The following TMEM164 variants were observed in gnomAD, a reference collection of about 807,000 sequenced individuals.
TMEM164 encodes the protein transmembrane protein 164.
Under a neutral mutation model 18.8 loss-of-function variants are expected in TMEM164, and 4 were observed. The observed-to-expected ratio is 0.21, with a 90% CI of 0.10 to 0.49. The LOEUF (loss-of-function observed/expected upper bound fraction) is 0.49, where lower values mean the gene tolerates loss of function less well. TMEM164 is among the 20% of genes least tolerant of loss of function. The pLI, the probability that TMEM164 is intolerant of heterozygous loss-of-function variation, is 0.98. For synonymous variants in TMEM164, 86 were observed against 101.7 expected (o/e 0.85, Z 0.93); for missense variants, 108 against 239.9 (o/e 0.45, Z 3.63).
At chrX:110,119,998 C>T (rs2066427057) in intron 4 of TMEM164, among the ~76,000 whole-genome samples, 1 of 112,294 alleles carries the variant, frequency 8.9e-6, no homozygotes, top group Non-Finnish European at 1.9e-5. Context: ...TTGTTTTTCA[C>T]ATTTGTTTCA....
At chrX:110,150,484 TTTAAC>T (rs2066924068) in intron 5 of TMEM164, among the ~76,000 whole-genome samples, 1 of 112,569 alleles carries the variant, frequency 8.9e-6, no homozygotes, top group Admixed American at 9.4e-5. Context: ...TCTTCTCTGA[TTTAAC>T]TTATTTGCAC....
chrX:110,097,312 C>A (rs918227444), intron 3 of TMEM164, among the ~76,000 whole-genome samples: 3 of 112,115 alleles, frequency 2.7e-5, no homozygotes, highest in Admixed American at 9.5e-5. Flanking sequence ...GAAAGTAAAT[C>A]TTAGTGTCTG....
intron 6 of TMEM164, among the ~76,000 whole-genome samples, chrX:110,171,971 T>C (rs2067237031): frequency 8.9e-6 from 1 of 112,343 alleles, no homozygotes; most frequent in African/African-American, 3.2e-5. Flanking sequence ...GGAAATCCTG[T>C]GGCATTCTGG....
At chrX:110,004,424 C>T (rs777412315) in intron 2 of TMEM164, among the ~76,000 whole-genome samples, 1 of 111,243 alleles carries the variant, frequency 9.0e-6, no homozygotes, top group South Asian at 3.8e-4. Context: ...CTGCCCCTCC[C>T]TTCCAGCCCA....
At chrX:110,017,512 CTCCTTCCTTCCT>C (rs767793658) in intron 2 of TMEM164, among the ~76,000 whole-genome samples, 92 of 20,148 alleles carry the variant, frequency 4.6e-3, no homozygotes, top group African/African-American at 0.012. Context: ...CCCTCCCTCC[CTCCTTCCTTCCT>C]TCCTTCCTTC....
rs903452619 is a variant in TMEM164 at position 110,176,496 on chromosome X, T to A, written c.*3045T>A. 1.4e-6 allele frequency: 1 copy of A among 709,534 alleles called. No individual in the cohort carries two copies. The highest frequency in any genetic ancestry group is 2.3e-5 in the African/African-American group (1 of 43,039). The allele number at this position is 709,534 out of a possible 1,213,427, so 58.5% of individuals were successfully genotyped here. ...ACTTCATCGCATTCATAGAAGCTGC[T>A]TGCAGGGTCGCCGGGCTAACCAGGG... On this transcript the variant is annotated 3_prime_UTR_variant, in exon 7 of 7. Coordinates refer to ENST00000372068, the MANE Select transcript of TMEM164 (RefSeq NM_032227.4).
intron 3 of TMEM164, among the ~76,000 whole-genome samples, chrX:110,083,918 CA>C (rs1196392451): frequency 3.6e-5 from 4 of 111,079 alleles, no homozygotes; most frequent in Non-Finnish European, 7.5e-5. Context: ...TTAATCACAC[CA>C]GCTCCCATAT....
intron 3 of TMEM164, among the ~76,000 whole-genome samples, chrX:110,099,105 G>A (rs1053808523): frequency 1.8e-5 from 2 of 109,725 alleles, no homozygotes; most frequent in Non-Finnish European, 3.8e-5. Flanking sequence ...GCTGAGTTGT[G>A]TGTTTTCTTA....
At chrX:110,098,596 C>A (rs1172743890) in intron 3 of TMEM164, among the ~76,000 whole-genome samples, 1 of 111,542 alleles carries the variant, frequency 9.0e-6, no homozygotes, top group East Asian at 2.8e-4. Flanking sequence ...CCGGTTTCTG[C>A]ACATTGCTAT....
At chrX:110,159,478 G>T (rs1463739212) in intron 5 of TMEM164, among the ~76,000 whole-genome samples, 1 of 111,046 alleles carries the variant, frequency 9.0e-6, no homozygotes, top group African/African-American at 3.3e-5. Context: ...AAGGCAGGTT[G>T]TGGTTAGTGC....
chrX:110,010,775 A>G (rs991856029), intron 2 of TMEM164, among the ~76,000 whole-genome samples: 6 of 111,754 alleles, frequency 5.4e-5, no homozygotes, highest in Admixed American at 9.5e-5. Flanking sequence ...AGATTAGAGG[A>G]TGAGGGCCCC....
chrX:110,107,077 T>C (rs1280180561), intron 3 of TMEM164, among the ~76,000 whole-genome samples: 2 of 110,378 alleles, frequency 1.8e-5, no homozygotes, highest in Admixed American at 9.6e-5. Flanking sequence ...TGAAATCTTA[T>C]TAAGCCAGGG....
intron 2 of TMEM164, among the ~76,000 whole-genome samples, chrX:110,043,673 CA>C (rs199506664): frequency 0.038 from 4,274 of 111,548 alleles, 207 homozygotes; most frequent in African/African-American, 0.13. Context: ...TTCCTCGTTG[CA>C]AAAAAAGCAT....
intron 2 of TMEM164, among the ~76,000 whole-genome samples, chrX:110,053,998 A>G (rs1297627696): frequency 8.9e-6 from 1 of 111,804 alleles, no homozygotes; most frequent in Non-Finnish European, 1.9e-5. Flanking sequence ...GAGTGGAGGC[A>G]GAGGGAACTC....
At chrX:110,021,251 C>T (rs1438763567) in intron 2 of TMEM164, among the ~76,000 whole-genome samples, 1 of 111,609 alleles carries the variant, frequency 9.0e-6, no homozygotes, top group Non-Finnish European at 1.9e-5. Context: ...ATTCAATGGA[C>T]AAAGGAAGCC....
At chrX:110,143,573 C>T (rs1205845747) in intron 4 of TMEM164, among the ~76,000 whole-genome samples, 1 of 111,509 alleles carries the variant, frequency 9.0e-6, no homozygotes, top group Non-Finnish European at 1.9e-5. Context: ...AGAGCCAGAG[C>T]CAACGTCTGT....
At chrX:110,107,066 T>A (rs1221788814) in intron 3 of TMEM164, among the ~76,000 whole-genome samples, 1 of 111,947 alleles carries the variant, frequency 8.9e-6, no homozygotes, top group Non-Finnish European at 1.9e-5. Context: ...TAGTCATCCT[T>A]TGAAATCTTA....
intron 3 of TMEM164, among the ~76,000 whole-genome samples, chrX:110,081,372 C>A (rs1348315409): frequency 9.0e-6 from 1 of 111,257 alleles, no homozygotes; most frequent in Non-Finnish European, 1.9e-5. Context: ...TTACTGTGTG[C>A]CTAGGCATGG....
intron 5 of TMEM164, among the ~76,000 whole-genome samples, chrX:110,168,298 C>T (rs766026993): frequency 5.2e-4 from 59 of 113,363 alleles, no homozygotes; most frequent in Non-Finnish European, 9.2e-4. Context: ...TGCATTTTCA[C>T]GCACCAAGCA....
Sources: allele counts gnomAD v4.1 joint callset (sites outside exome capture counted in the v4.1 genomes callset), GRCh38; gene constraint gnomAD v4.1.1; transcripts MANE v1.5; gene names NCBI Gene and HGNC (gene_info 2026-07-23, HGNC 2026-07-21).